The following DDX19B variants were observed in gnomAD, a reference collection of about 807,000 sequenced individuals.
DDX19B encodes DEAD-box helicase 19B.
DDX19B carries 27 observed loss-of-function variants against 58.1 expected under a neutral mutation model. The ratio of observed to expected loss-of-function variants is 0.46; its 90% CI spans 0.34 to 0.64. DDX19B has a LOEUF of 0.64. Ranked by LOEUF, DDX19B falls within the 30% of genes least tolerant of loss-of-function variation. DDX19B has a pLI of 0.01. For synonymous variants in DDX19B, 187 were observed against 214.4 expected, an observed-to-expected ratio of 0.87 and a Z score of 1.12; for missense variants, 399 against 596.5, an observed-to-expected ratio of 0.67 and a Z score of 3.45.
chr16:70,294,268 A>G (rs1304794856), upstream of DDX19B, among the ~76,000 whole-genome samples: 9 of 151,784 alleles, frequency 5.9e-5, no homozygotes, highest in East Asian at 1.8e-3. Context: ...TTTTTAGTAG[A>G]GACGGGGTTT....
intron 1 of DDX19B, among the ~76,000 whole-genome samples, chr16:70,300,314 T>C (rs1961425592): frequency 6.6e-6 from 1 of 151,946 alleles, no homozygotes; most frequent in South Asian, 2.1e-4. Flanking sequence ...CAAGCCATCC[T>C]CCCACCTCAG....
chr16:70,326,996 A>G (rs1437566285), intron 7 of DDX19B, among the ~76,000 whole-genome samples: 16 of 151,270 alleles, frequency 1.1e-4, no homozygotes, highest in African/African-American at 3.2e-4. Context: ...CACTACGCCC[A>G]GCTAATTTTT....
intron 2 of DDX19B, among the ~76,000 whole-genome samples, chr16:70,313,439 T>C (rs1962189326): frequency 1.3e-5 from 2 of 152,138 alleles, no homozygotes; most frequent in African/African-American, 4.8e-5. Context: ...GAGTGAGATA[T>C]TACACCTGGT....
At chr16:70,317,773 AC>A (rs1325215083) in intron 5 of DDX19B, 185 bp downstream of exon 5, 23 of 399,638 alleles carry the variant, frequency 5.8e-5, no homozygotes, top group African/African-American at 4.4e-4. Context: ...CCCTGTCTCA[AC>A]AAAAAAAAAA....
At chr16:70,333,250 G>A in intron 11 of DDX19B, 91 bp downstream of exon 11, 1 of 705,612 alleles carries the variant, frequency 1.4e-6, no homozygotes, top group East Asian at 2.7e-5. Context: ...CCCCAAGAGA[G>A]GCTCTGTCCC....
At chr16:70,329,177 C>T (rs1488102599) in intron 7 of DDX19B, 115 bp from the exon 8 acceptor site, 50 of 1,374,760 alleles carry the variant, frequency 3.6e-5, no homozygotes, top group Non-Finnish European at 4.9e-5. Flanking sequence ...GAGTCGAGAT[C>T]ATGCCATTGC....
chr16:70,331,706 A>G lies in DDX19B; in HGVS notation c.1024-16A>G, dbSNP rs759698346. The G allele has an allele frequency of 4.4e-6, 7 of 1,608,992 alleles. No homozygotes were observed. The highest frequency in any genetic ancestry group is 5.9e-6 in the Non-Finnish European group (7 of 1,178,650). On this transcript the variant is annotated splice_polypyrimidine_tract_variant and intron_variant, in intron 9 of 11. Coordinates refer to ENST00000288071, the MANE Select transcript of DDX19B (RefSeq NM_007242.7). ...TTAACAGGTCTCTTCATAAAAAACA[A>G]TTCTTTTCACTACAGACTCGCAAAA...
In DDX19B at chr16:70,299,291, T is replaced by C; in HGVS notation, c.-7T>C. On this transcript the variant is annotated 5_prime_UTR_variant, in exon 1 of 12. Coordinates refer to ENST00000288071, the MANE Select transcript of DDX19B (RefSeq NM_007242.7). The stretch of plus-strand genomic sequence containing the variant: ...CCAGCACGAGCGTCCCACCCGCGCC[T>C]GGGACCATGGCCACTGACTCATGGG... The C allele has an allele frequency of 6.3e-7, 1 of 1,586,850 alleles. No homozygotes were observed. The highest frequency in any genetic ancestry group is 1.9e-5 in the Admixed American group (1 of 53,776).
At chr16:70,294,233 T>C (rs1961138356), upstream of DDX19B, among the ~76,000 whole-genome samples, 3 of 151,536 alleles carry the variant, frequency 2.0e-5, no homozygotes, top group Admixed American at 6.6e-5. Context: ...AGGCGCCCGC[T>C]ACCACGCCCA....
chr16:70,329,431 C>T lies in DDX19B; in HGVS notation c.747C>T (p.Ala249=), dbSNP rs201224231. 6.2e-7 allele frequency: 1 copy of T among 1,613,952 alleles called. No homozygotes were observed. Among genetic ancestry groups the T allele is most frequent in the African/African-American group, 1.3e-5 (1 of 74,972 alleles). The part of the protein sequence containing the change: ...FVLDEADVMI[A]TQGHQDQSIR... ...TGGATGAGGCTGATGTCATGATAGC[C>T]ACTCAGGGCCACCAAGATCAGAGCA... The change falls in exon 8 of 12, where the codon GCC becomes GCT. Residue 249 remains alanine, a synonymous_variant. Coordinates refer to ENST00000288071, the MANE Select transcript of DDX19B (RefSeq NM_007242.7).
chr16:70,312,426 G>A (rs1055127947), intron 1 of DDX19B, among the ~76,000 whole-genome samples, 183 bp from the exon 2 acceptor site: 1 of 152,086 alleles, frequency 6.6e-6, no homozygotes, highest in Non-Finnish European at 1.5e-5. Flanking sequence ...ATGTATTTAC[G>A]GGAAATTTTG....
chr16:70,294,785 T>A, upstream of DDX19B: 1 of 1,334,234 alleles, frequency 7.5e-7, no homozygotes, highest in African/African-American at 1.5e-5. Flanking sequence ...CCAATGAGGC[T>A]CCGGCTTGGC....
upstream of DDX19B, among the ~76,000 whole-genome samples, chr16:70,296,005 AT>A (rs113857820): frequency 0.015 from 1,994 of 134,650 alleles, 16 homozygotes; most frequent in African/African-American, 0.04. Flanking sequence ...TATCTTAAGC[AT>A]TTTTTTTTTT....
upstream of DDX19B, among the ~76,000 whole-genome samples, chr16:70,292,339 G>A (rs542425794): frequency 6.6e-6 from 1 of 152,166 alleles, no homozygotes; most frequent in East Asian, 1.9e-4. Context: ...AGAGATGAGG[G>A]TTTCGCCATG....
upstream of DDX19B, among the ~76,000 whole-genome samples, chr16:70,293,858 G>A (rs1488468127): frequency 6.6e-6 from 1 of 150,754 alleles, no homozygotes; most frequent in Non-Finnish European, 1.5e-5. Flanking sequence ...TGATCCACCC[G>A]CCTCGGCCTC....
At chr16:70,309,025 T>C (rs1485175487) in intron 1 of DDX19B, among the ~76,000 whole-genome samples, 1 of 152,142 alleles carries the variant, frequency 6.6e-6, no homozygotes, top group Non-Finnish European at 1.5e-5. Flanking sequence ...GGATTTTTAC[T>C]GCTTTATAAT....
intron 5 of DDX19B, among the ~76,000 whole-genome samples, chr16:70,320,309 T>C (rs1962699322): frequency 6.6e-6 from 1 of 151,810 alleles, no homozygotes; most frequent in Non-Finnish European, 1.5e-5. Flanking sequence ...GGTCTTGCTA[T>C]GTTGCCCAGA....
intron 4 of DDX19B, 134 bp from the exon 5 acceptor site, chr16:70,317,360 AAT>A: frequency 3.4e-6 from 2 of 584,230 alleles, no homozygotes; most frequent in Non-Finnish European, 5.8e-6. Context: ...CAGCCTGGGC[AAT>A]AGATCGAGAC....
At chr16:70,317,389 C>G in intron 4 of DDX19B, 107 bp from the exon 5 acceptor site, 2 of 831,410 alleles carry the variant, frequency 2.4e-6, no homozygotes, top group Non-Finnish European at 3.7e-6. Context: ...CAAAAACAAA[C>G]AAACAAAAAA....
Sources: gnomAD v4.1 joint callset for allele counts (sites outside exome capture counted in the v4.1 genomes callset) on GRCh38, gnomAD v4.1.1 for gene constraint, MANE v1.5 for transcripts, NCBI Gene and HGNC (gene_info 2026-07-23, HGNC 2026-07-21) for gene names.